SUMF1: variants seen among roughly 807,000 people sequenced by gnomAD.
SUMF1 encodes the protein formylglycine-generating enzyme.
SUMF1 carries 48 observed loss-of-function variants against 47.6 expected under a neutral mutation model. That is an observed-to-expected ratio of 1.01 (90% CI 0.80 to 1.28). The LOEUF is 1.28. Ranked by LOEUF, SUMF1 falls within the 50% of genes most tolerant of loss-of-function variation. The pLI is 0.00. For missense variants in SUMF1, 571 were observed against 485.4 expected, an observed-to-expected ratio of 1.18 and a Z score of -1.66; for synonymous variants, 230 against 192.1, an observed-to-expected ratio of 1.20 and a Z score of -1.63.
intron 7 of SUMF1, among the ~76,000 whole-genome samples, chr3:4,404,474 T>C (rs1440014359): frequency 7.0e-6 from 1 of 143,002 alleles, no homozygotes; most frequent in Non-Finnish European, 1.6e-5. Flanking sequence ...AACATGTGAG[T>C]GGGCCAGGTG....
intron 7 of SUMF1, among the ~76,000 whole-genome samples, chr3:4,388,599 A>AT (rs748427342): frequency 1.3e-5 from 2 of 151,580 alleles, no homozygotes; most frequent in South Asian, 2.1e-4. Flanking sequence ...CTGTCATTTT[A>AT]TTTTTTGTTT....
chr3:4,189,236 C>G (rs957106300), intron 8 of SUMF1, among the ~76,000 whole-genome samples: 2 of 152,016 alleles, frequency 1.3e-5, no homozygotes, highest in East Asian at 3.9e-4. Flanking sequence ...GGGAGGGGTC[C>G]AAAATTGGGA....
chr3:4,134,385 A>T (rs1165072691), intron 8 of SUMF1, among the ~76,000 whole-genome samples: 2 of 152,174 alleles, frequency 1.3e-5, no homozygotes, highest in African/African-American at 4.8e-5. Flanking sequence ...ACATAACAAA[A>T]TGAAGGCAGA....
chr3:4,193,093 C>T (rs1307858110), intron 8 of SUMF1, among the ~76,000 whole-genome samples: 1 of 151,976 alleles, frequency 6.6e-6, no homozygotes, highest in Non-Finnish European at 1.5e-5. Context: ...CAGCACTGTC[C>T]AATAATCATT....
At chr3:4,364,023 C>T (rs542819916) in intron 8 of SUMF1, among the ~76,000 whole-genome samples, 36,142 of 109,808 alleles carry the variant, frequency 0.33, 7,575 homozygotes, top group East Asian at 0.52. Context: ...TGCTGGATTA[C>T]ATTTATTCAT....
downstream of SUMF1, among the ~76,000 whole-genome samples, chr3:4,359,083 G>A (rs762463332): frequency 2.0e-5 from 3 of 152,176 alleles, no homozygotes; most frequent in Non-Finnish European, 4.4e-5. Flanking sequence ...CAATGTCACA[G>A]AAAGTGAGGC....
intron 8 of SUMF1, among the ~76,000 whole-genome samples, chr3:4,167,427 T>C (rs1358744893): frequency 6.6e-6 from 1 of 152,124 alleles, no homozygotes; most frequent in Non-Finnish European, 1.5e-5. Flanking sequence ...GATTGGTCCA[T>C]TTTACAGAGT....
chr3:4,173,902 T>A (rs1016586396), intron 8 of SUMF1, among the ~76,000 whole-genome samples: 2 of 152,056 alleles, frequency 1.3e-5, no homozygotes, highest in African/African-American at 4.8e-5. Context: ...AGGGGAGGGA[T>A]AACATTAGGA....
At position 4,119,054 on chromosome 3, in the gene SUMF1, C is replaced by T. The variant is rs143491031; in HGVS notation, c.1015-50309G>A. Among the ~76,000 whole-genome samples the T allele has an allele frequency of 2.6e-3, 403 of 152,162 alleles. 6 individuals are homozygous for T. The highest frequency in any genetic ancestry group is 9.1e-3 in the African/African-American group (379 of 41,476). On this transcript the variant is annotated intron_variant and NMD_transcript_variant, in intron 8 of 12. Transcript: ENST00000448413. The stretch of plus-strand genomic sequence containing the variant: ...TTCATTATTTACCTATTTTCCTCCA[C>T]TCCCCAAACCCAAATCCACCTAATC...
chr3:4,455,335 C>T (rs1279622654), intron 1 of SUMF1, among the ~76,000 whole-genome samples: 1 of 152,000 alleles, frequency 6.6e-6, no homozygotes. Flanking sequence ...GAATAAATTC[C>T]TAGAAACATA....
intron 8 of SUMF1, among the ~76,000 whole-genome samples, chr3:4,097,232 T>C (rs924752131): frequency 1.3e-5 from 2 of 152,140 alleles, no homozygotes; most frequent in Non-Finnish European, 2.9e-5. Flanking sequence ...TAAATATACC[T>C]ACTGTAAGTT....
downstream of SUMF1, among the ~76,000 whole-genome samples, chr3:4,357,520 TTTAC>T (rs1699646401): frequency 6.6e-6 from 1 of 151,762 alleles, no homozygotes. Flanking sequence ...AAAAATAGAA[TTTAC>T]CCATGCACTA....
intron 8 of SUMF1, among the ~76,000 whole-genome samples, chr3:4,219,599 C>T (rs1696016815): frequency 6.6e-6 from 1 of 152,132 alleles, no homozygotes; most frequent in South Asian, 2.1e-4. Flanking sequence ...TCTCTCTTTC[C>T]TCACCCTCTG....
intron 8 of SUMF1, among the ~76,000 whole-genome samples, chr3:4,133,513 T>C (rs1398056579): frequency 1.3e-5 from 2 of 152,060 alleles, no homozygotes; most frequent in African/African-American, 4.8e-5. Flanking sequence ...GAGATTAACA[T>C]TTGAGTCAGT....
At chr3:4,094,571 T>A (rs538735960) in intron 8 of SUMF1, among the ~76,000 whole-genome samples, 12 of 152,136 alleles carry the variant, frequency 7.9e-5, no homozygotes, top group Non-Finnish European at 1.0e-4. Flanking sequence ...TAAGTCCCAG[T>A]TTACACTACA....
exon 9 of SUMF1, chr3:4,068,673 A>G (rs569351003): frequency 2.2e-6 from 1 of 452,490 alleles, no homozygotes; most frequent in South Asian, 1.6e-5. Context: ...AAGGCCTTCC[A>G]CCTGCTGGCT....
intron 8 of SUMF1, among the ~76,000 whole-genome samples, chr3:4,073,086 A>C (rs1692320218): frequency 6.6e-6 from 1 of 152,194 alleles, no homozygotes; most frequent in Non-Finnish European, 1.5e-5. Context: ...AGCCAGAGAG[A>C]AACGTTGGGT....
intron 8 of SUMF1, among the ~76,000 whole-genome samples, chr3:4,169,488 A>G (rs766605257): frequency 1.7e-4 from 26 of 152,186 alleles, no homozygotes; most frequent in Admixed American, 5.9e-4. Flanking sequence ...AGGATTGCCA[A>G]CAACACCAGA....
At chr3:4,142,352 A>G (rs1166120102) in intron 8 of SUMF1, among the ~76,000 whole-genome samples, 4 of 152,144 alleles carry the variant, frequency 2.6e-5, no homozygotes, top group Non-Finnish European at 2.9e-5. Context: ...CATTTGACAC[A>G]TTGATGTTTA....
Sources: allele counts gnomAD v4.1 joint callset (sites outside exome capture counted in the v4.1 genomes callset), GRCh38; gene constraint gnomAD v4.1.1; transcripts MANE v1.5; gene names NCBI Gene and HGNC (gene_info 2026-07-23, HGNC 2026-07-21).